SDCBP2: variants seen among roughly 807,000 people sequenced by gnomAD.
SDCBP2 encodes syntenin-2.
SDCBP2 carries 28 observed loss-of-function variants against 30.7 expected under a neutral mutation model. That is an observed-to-expected ratio of 0.91 (90% CI 0.68 to 1.25). The LOEUF is 1.25. SDCBP2 is among the 50% of genes most tolerant of loss of function. The pLI, the probability that SDCBP2 is intolerant of heterozygous loss-of-function variation, is 0.00. For missense variants in SDCBP2, 399 were observed against 379.0 expected (o/e 1.05, Z -0.44); for synonymous variants, 166 against 157.3 (o/e 1.06, Z -0.41).
chr20:1,319,881 G>C (rs543863494), intron 2 of SDCBP2, among the ~76,000 whole-genome samples: 1 of 152,286 alleles, frequency 6.6e-6, no homozygotes, highest in South Asian at 2.1e-4. Flanking sequence ...CCCACCCTAT[G>C]TCACAACCCA....
chr20:1,313,054 C>T lies in SDCBP2; in HGVS notation c.384+286G>A, dbSNP rs949932871. On this transcript the variant is annotated intron_variant, in intron 5 of 8. Transcript: ENST00000360779. The surrounding 1 kb of genome is among the most constrained non-coding windows in gnomAD (Gnocchi z 5.2). ...CTTCCCTGGCGTCGGCTGTCTACAC[C>T]GTCGCCTGGAAGCTAGATGCCCTGG... 3.4e-6 allele frequency: 2 copies of T among 587,624 alleles called. No individual in the cohort carries two copies. The highest frequency in any genetic ancestry group is 6.1e-6 in the Non-Finnish European group (2 of 330,532). 36.4% of individuals were successfully genotyped at this position (587,624 alleles called of 1,614,324 possible).
At position 1,310,505 on chromosome 20, in the gene SDCBP2, GCAA is replaced by G. The variant is rs141258976; in HGVS notation, c.825-13_825-11del. 39,237 of 1,613,366 alleles carry G rather than the reference GCAA, an allele frequency of 0.024. 553 individuals carry two copies. The highest frequency in any genetic ancestry group is 0.038 in the Middle Eastern group (232 of 6,060). On this transcript the variant is annotated splice_polypyrimidine_tract_variant and intron_variant, in intron 8 of 8. Coordinates refer to ENST00000360779, the MANE Select transcript of SDCBP2 (RefSeq NM_080489.5). ...CAGGACTGGAGGCAACCTGGATACA[GCAA>G]CAACAGTGACCAGGTTGGCAGCTCC... is the stretch of plus-strand genomic sequence containing the variant.
chr20:1,314,147 A>G (rs1465678877), intron 4 of SDCBP2, among the ~76,000 whole-genome samples: 2 of 152,252 alleles, frequency 1.3e-5, no homozygotes, highest in Non-Finnish European at 2.9e-5. Context: ...ACAAGATTCA[A>G]TTGTACTTCT....
Position 1,312,625 on chromosome 20 carries a change from C to A in SDCBP2, c.522G>T (p.Lys174Asn). ...CCACGACAATCTTATCGCCTGATGC[C>A]TTCTTCACCACCTGATGGGCTTTGT... ...SSHKAHQVVK[K>N]ASGDKIVVVV... The change falls in exon 6 of 9, where the codon AAG becomes AAT. Residue 174 changes from lysine (K) to asparagine (N), a missense_variant. Physicochemically the swap from Lys to Asn is moderately conservative, Grantham distance 94. Transcript: ENST00000360779. 1 of 1,614,148 alleles carries A rather than the reference C, an allele frequency of 6.2e-7. No homozygotes were observed. The highest frequency in any genetic ancestry group is 8.5e-7 in the Non-Finnish European group (1 of 1,179,986).
rs574076362 is a variant in SDCBP2, at chr20:1,310,228, G to T, written c.*213C>A. The T allele has an allele frequency of 1.0e-5, 5 of 490,608 alleles. No individual in the cohort carries two copies. The South Asian group carries it at 1.7e-4, about 16-fold the overall frequency. 30.4% of individuals were successfully genotyped at this position (490,608 alleles called of 1,614,324 possible). On this transcript the variant is annotated 3_prime_UTR_variant, in exon 9 of 9. Transcript: ENST00000360779. ...AGCACAAGAGAATCGGCTGCCTGTG[G>T]GCCCTGCCTGAGCCTCAGCCTAGCT...
chr20:1,310,512 C>T lies in SDCBP2; in HGVS notation c.825-17G>A, dbSNP rs763899663. The T allele has an allele frequency of 1.9e-6, 3 of 1,601,268 alleles. No individual in the cohort carries two copies. In the Admixed American group the frequency reaches 5.0e-5, roughly 27 times the overall value. The stretch of plus-strand genomic sequence containing the variant: ...GGAGGCAACCTGGATACAGCAACAA[C>T]AGTGACCAGGTTGGCAGCTCCTTCT... On this transcript the variant is annotated splice_polypyrimidine_tract_variant and intron_variant, in intron 8 of 8. Coordinates refer to ENST00000360779, the MANE Select transcript of SDCBP2 (RefSeq NM_080489.5).
At chr20:1,325,754 C>G (rs201946495) in intron 1 of SDCBP2, 2 of 152,192 alleles carry the variant, frequency 1.3e-5, no homozygotes, top group African/African-American at 4.8e-5. Context: ...TTTGCTCTCC[C>G]TTTGGTTTCG....
In SDCBP2 at chr20:1,310,507, A is replaced by T. The variant is rs1352572723; in HGVS notation, c.825-12T>A. 1 of 1,535,704 alleles carries T rather than the reference A, an allele frequency of 6.5e-7. No homozygotes were observed. The highest frequency in any genetic ancestry group is 9.0e-7 in the Non-Finnish European group (1 of 1,112,894). ...GGACTGGAGGCAACCTGGATACAGC[A>T]ACAACAGTGACCAGGTTGGCAGCTC... is the stretch of plus-strand genomic sequence containing the variant. On this transcript the variant is annotated splice_polypyrimidine_tract_variant and intron_variant, in intron 8 of 8. Coordinates refer to ENST00000360779, the MANE Select transcript of SDCBP2 (RefSeq NM_080489.5).
Position 1,318,315 on chromosome 20 carries a change from T to C in SDCBP2, c.225+3A>G, listed in dbSNP as rs764134073. On this transcript the variant is annotated splice_donor_region_variant and intron_variant, in intron 4 of 8. Transcript: ENST00000360779. Reference sequence around the variant, plus strand: ...CCGCAGCAGGCAGAAGCCAAATACATACACTGTCACCCTCTGGAATCTGAA... The same window carrying C: ...CCGCAGCAGGCAGAAGCCAAATACACACACTGTCACCCTCTGGAATCTGAA... 1 of 1,607,442 alleles carries C rather than the reference T, an allele frequency of 6.2e-7. No individual in the cohort carries two copies. The highest frequency in any genetic ancestry group is 8.5e-7 in the Non-Finnish European group (1 of 1,173,914).
rs1479546029 is a variant in SDCBP2, at chr20:1,310,162, C to T, written c.*279G>A. 1 of 348,576 alleles carries T rather than the reference C, an allele frequency of 2.9e-6. No homozygotes were observed. Among genetic ancestry groups the T allele is most frequent in the Admixed American group, 4.4e-5 (1 of 22,576 alleles). 21.6% of individuals were successfully genotyped at this position (348,576 alleles called of 1,614,324 possible). On this transcript the variant is annotated 3_prime_UTR_variant, in exon 9 of 9. Transcript: ENST00000360779. ...AAAGGGGCCCAGTTGCGACTTTAAG[C>T]AGCGTTTAAACAGCCTGCCTCCGTG...
chr20:1,313,097 G>A lies in SDCBP2; in HGVS notation c.384+243C>T, dbSNP rs1054036828. ...TGCCCTGGGCAGCGAAGGGCAGGTG[G>A]GGAAGGGAGGCTCCTCCGAGCGACG... On this transcript the variant is annotated intron_variant, in intron 5 of 8. Transcript: ENST00000360779. The surrounding 1 kb of genome is among the most constrained non-coding windows in gnomAD (Gnocchi z 5.2). The A allele has an allele frequency of 7.2e-5, 43 of 596,966 alleles. No homozygotes were observed. The highest frequency in any genetic ancestry group is 6.1e-5 in the Admixed American group (2 of 32,942). The allele number at this position is 596,966 out of a possible 1,614,324, so 37.0% of individuals were successfully genotyped here.
intron 4 of SDCBP2, 69 bp downstream of exon 4, chr20:1,318,249 T>C (rs777558732): frequency 9.3e-7 from 1 of 1,075,864 alleles, no homozygotes; most frequent in Non-Finnish European, 1.4e-6. Context: ...TCTGTTGAAA[T>C]GGCAAGACCA....
chr20:1,313,107 G>T lies in SDCBP2; in HGVS notation c.384+233C>A. ...AGCGAAGGGCAGGTGGGGAAGGGAG[G>T]CTCCTCCGAGCGACGGAAGCCCACG... On this transcript the variant is annotated intron_variant, in intron 5 of 8. Coordinates refer to ENST00000360779, the MANE Select transcript of SDCBP2 (RefSeq NM_080489.5). This position sits in a 1 kb window ranked among gnomAD's most constrained non-coding sequence, Gnocchi z 5.2. The T allele has an allele frequency of 1.7e-6, 1 of 599,104 alleles. No individual in the cohort carries two copies. Among genetic ancestry groups the T allele is most frequent in the Non-Finnish European group, 2.9e-6 (1 of 339,702 alleles). 37.1% of individuals were successfully genotyped at this position (599,104 alleles called of 1,614,324 possible).
intron 1 of SDCBP2, chr20:1,323,157 A>G (rs956692558): frequency 2.6e-5 from 4 of 152,188 alleles, no homozygotes; most frequent in Non-Finnish European, 5.9e-5. Context: ...TTTGGGGTAG[A>G]AATGACCATC....
chr20:1,313,667 C>T lies in SDCBP2; in HGVS notation c.226-169G>A. The T allele has an allele frequency of 4.4e-6, 6 of 1,364,902 alleles. No individual in the cohort carries two copies. Among genetic ancestry groups the T allele is most frequent in the East Asian group, 2.9e-5 (1 of 34,612 alleles). The allele number at this position is 1,364,902 out of a possible 1,614,324, so 84.5% of individuals were successfully genotyped here. A position where few individuals can be genotyped will look rare whatever the true frequency, so the allele number is the denominator to read the frequency against. ...AGGGGCGAGAGGAGACGTGGCTCCA[C>T]GCGGCCACTAGGGGGCGTCAAAGTC... On this transcript the variant is annotated intron_variant, in intron 4 of 8. Transcript: ENST00000360779. This position sits in a 1 kb window ranked among gnomAD's most constrained non-coding sequence, Gnocchi z 5.2.
Position 1,310,165 on chromosome 20 carries a change from C to T in SDCBP2, c.*276G>A, listed in dbSNP as rs1268451779. On this transcript the variant is annotated 3_prime_UTR_variant, in exon 9 of 9. Coordinates refer to ENST00000360779, the MANE Select transcript of SDCBP2 (RefSeq NM_080489.5). ...GGGGCCCAGTTGCGACTTTAAGCAG[C>T]GTTTAAACAGCCTGCCTCCGTGTCC... 5 of 364,710 alleles carry T rather than the reference C, an allele frequency of 1.4e-5. No homozygotes were observed. The highest frequency in any genetic ancestry group is 2.0e-5 in the Non-Finnish European group (4 of 202,000). 22.6% of individuals were successfully genotyped at this position (364,710 alleles called of 1,614,324 possible).
rs140081534 is a variant in SDCBP2, at chr20:1,312,459, C to T, written c.610G>A (p.Gly204Ser). The T allele has an allele frequency of 1.7e-5, 28 of 1,614,152 alleles. No individual in the cohort carries two copies. Among genetic ancestry groups the T allele is most frequent in the Middle Eastern group, 1.6e-4 (1 of 6,062 alleles). ...TMHKDSMGHV[G>S]FVIKKGKIVS... is the part of the protein sequence containing the mutation. ...ATCTTCCCCTTCTTGATCACGAAGCCGACGTGGCCCATGCTGTCCTTGTGC... is the reference window on the plus strand; with the variant it reads ...ATCTTCCCCTTCTTGATCACGAAGCTGACGTGGCCCATGCTGTCCTTGTGC... The change falls in exon 7 of 9, where the codon GGC becomes AGC. Residue 204 changes from glycine (G) to serine (S), a missense_variant. Transcript: ENST00000360779.
chr20:1,316,814 T>C (rs1197895011), intron 4 of SDCBP2, among the ~76,000 whole-genome samples: 1 of 152,228 alleles, frequency 6.6e-6, no homozygotes, highest in African/African-American at 2.4e-5. Flanking sequence ...TAACTTTGTT[T>C]GTAACCACCA....
chr20:1,320,783 G>A lies in SDCBP2; in HGVS notation c.-19-348C>T, dbSNP rs1421812457. The A allele has an allele frequency of 5.6e-6, 1 of 179,738 alleles. No homozygotes were observed. The highest frequency in any genetic ancestry group is 1.2e-5 in the Non-Finnish European group (1 of 85,334). The allele number at this position is 179,738 out of a possible 1,614,324, so 11.1% of individuals were successfully genotyped here. ...GGAATGGGGGGTGGAGAGGCACCATGAGCACTTATTTACTAAACACCTTCT... is the reference window on the plus strand; with the variant it reads ...GGAATGGGGGGTGGAGAGGCACCATAAGCACTTATTTACTAAACACCTTCT... On this transcript the variant is annotated intron_variant, in intron 1 of 8. Coordinates refer to ENST00000360779, the MANE Select transcript of SDCBP2 (RefSeq NM_080489.5). This position sits in a 1 kb window ranked among gnomAD's most constrained non-coding sequence, Gnocchi z 4.7.
Sources: gnomAD v4.1 joint callset for allele counts (sites outside exome capture counted in the v4.1 genomes callset) on GRCh38, gnomAD v4.1.1 for gene constraint, Gnocchi (gnomAD v3.1) non-coding constraint, MANE v1.5 for transcripts, NCBI Gene and HGNC (gene_info 2026-07-23, HGNC 2026-07-21) for gene names.